The following TEAD3 variants were observed in gnomAD, a reference collection of about 807,000 sequenced individuals.
The protein encoded by TEAD3 is TEA domain transcription factor 3.
TEAD3 carries 15 observed loss-of-function variants against 55.6 expected under a neutral mutation model. The observed-to-expected ratio is 0.27, with a 90% CI of 0.18 to 0.42. The LOEUF (loss-of-function observed/expected upper bound fraction) is 0.42. TEAD3 is among the 10% of genes least tolerant of loss of function. The pLI is 1.00. For missense variants in TEAD3, 407 were observed against 576.8 expected (o/e 0.71, Z 3.01); for synonymous variants, 210 against 232.2 (o/e 0.90, Z 0.87).
Position 35,475,238 on chromosome 6 carries a change from T to C in TEAD3, c.1195-81A>G. The C allele has an allele frequency of 6.3e-7, 1 of 1,592,902 alleles. No homozygotes were observed. On this transcript the variant is annotated intron_variant, in intron 12 of 12. Transcript: ENST00000639578. This position sits in a 1 kb window ranked among gnomAD's most constrained non-coding sequence, Gnocchi z 5.4. ...CAGGGGGCTGAACAGACCATTCTCC[T>C]TTCCGGATCTATGCCTCTCAGCCAA...
chr6:35,492,354 G>A (rs1768542586), intron 1 of TEAD3, among the ~76,000 whole-genome samples: 1 of 152,028 alleles, frequency 6.6e-6, no homozygotes, highest in South Asian at 2.1e-4. Context: ...CCCCACAGCG[G>A]GCCAGCTGTT....
intron 1 of TEAD3, among the ~76,000 whole-genome samples, chr6:35,494,350 C>T (rs1768595059): frequency 6.6e-6 from 1 of 152,226 alleles, no homozygotes; most frequent in Non-Finnish European, 1.5e-5. Flanking sequence ...CTAACCTCAA[C>T]CTCCTGTGGG....
At position 35,486,808 on chromosome 6, in the gene TEAD3, C is replaced by G. The variant is rs1270575721; in HGVS notation, c.-49-97G>C. ...CTGGCTCTGGAGCTCCGCCCCCAGC[C>G]CCAAGCCCACCCTAGGAGCAGGTGC... On this transcript the variant is annotated intron_variant, in intron 1 of 12. Coordinates refer to ENST00000639578, the Ensembl canonical transcript of TEAD3. The surrounding 1 kb of genome is among the most constrained non-coding windows in gnomAD (Gnocchi z 7.3). 6.2e-6 allele frequency: 5 copies of G among 801,288 alleles called. No homozygotes were observed. 49.6% of individuals were successfully genotyped at this position (801,288 alleles called of 1,614,324 possible).
intron 8 of TEAD3, among the ~76,000 whole-genome samples, 176 bp from the exon 9 acceptor site, chr6:35,476,611 G>A (rs1008847080): frequency 1.3e-5 from 2 of 152,310 alleles, no homozygotes; most frequent in Non-Finnish European, 1.5e-5. Flanking sequence ...GGTGGCCCTA[G>A]TAGTATATAT....
rs895472205 is a variant in TEAD3, at chr6:35,485,918, A to T, written c.202+543T>A. Among the ~76,000 whole-genome samples, 7 of 152,240 alleles carry T rather than the reference A, an allele frequency of 4.6e-5. No individual in the cohort carries two copies. The highest frequency in any genetic ancestry group is 4.1e-4 in the South Asian group (2 of 4,828). On this transcript the variant is annotated intron_variant, in intron 2 of 12. Coordinates refer to ENST00000639578, the Ensembl canonical transcript of TEAD3. The surrounding 1 kb of genome is among the most constrained non-coding windows in gnomAD (Gnocchi z 4.3). ...CCCTCTCAGGGCTGGACAAGAGGGG[A>T]CACTCCCTTCTGGAAATGGGCAAGA...
At chr6:35,473,768 C>T (rs1017963578), downstream of TEAD3, 5 of 149,190 alleles carry the variant, frequency 3.4e-5, no homozygotes, top group Non-Finnish European at 7.4e-5. Context: ...CATTATAAAA[C>T]CTAGGTGGGG....
In TEAD3 at chr6:35,485,418, A is replaced by C. The variant is rs553351695; in HGVS notation, c.203-794T>G. On this transcript the variant is annotated intron_variant, in intron 2 of 12. Transcript: ENST00000639578. The surrounding 1 kb of genome is among the most constrained non-coding windows in gnomAD (Gnocchi z 4.3). Reference sequence around the variant, plus strand: ...GGCCTGAAAGGGGGATGCCTGGGCCACACGGCTGAGCCCAAGTCAGCATGG... The same window carrying C: ...GGCCTGAAAGGGGGATGCCTGGGCCCCACGGCTGAGCCCAAGTCAGCATGG... 6.6e-6 allele frequency among the ~76,000 whole-genome samples: 1 copy of C among 152,262 alleles called. No homozygotes were observed. The highest frequency in any genetic ancestry group is 1.9e-4 in the East Asian group (1 of 5,180).
rs141747281 is a variant in TEAD3, at chr6:35,482,703, A to G, written c.267+1857T>C. On this transcript the variant is annotated intron_variant, in intron 3 of 12. Coordinates refer to ENST00000639578, the Ensembl canonical transcript of TEAD3. ...GAGGCGGGAGGACTGCTTGAGGCCA[A>G]AAGTTCAAGAACAACATGGCCAACA... Among the ~76,000 whole-genome samples, 612 of 152,232 alleles carry G rather than the reference A, an allele frequency of 4.0e-3. 7 individuals are homozygous for G. Among genetic ancestry groups the G allele is most frequent in the African/African-American group, 0.014 (568 of 41,532 alleles).
rs1005096811 is a variant in TEAD3, at chr6:35,491,899, C to T, written c.-50+4999G>A. Among the ~76,000 whole-genome samples the T allele has an allele frequency of 1.1e-4, 16 of 152,178 alleles. No homozygotes were observed. Among genetic ancestry groups the T allele is most frequent in the Admixed American group, 3.9e-4 (6 of 15,282 alleles). On this transcript the variant is annotated intron_variant, in intron 1 of 12. Transcript: ENST00000639578. This position sits in a 1 kb window ranked among gnomAD's most constrained non-coding sequence, Gnocchi z 4.4. Reference sequence around the variant, plus strand: ...CCAGGGATCAGGCTGGAGCTGGGGCCGCTGCAGAGGCCCTGGTCCCCCACC... The same window carrying T: ...CCAGGGATCAGGCTGGAGCTGGGGCTGCTGCAGAGGCCCTGGTCCCCCACC...
Position 35,496,697 on chromosome 6 carries a change from A to C in TEAD3, c.-50+201T>G, listed in dbSNP as rs1379333865. 2.6e-5 allele frequency among the ~76,000 whole-genome samples: 4 copies of C among 151,556 alleles called. No individual in the cohort carries two copies. The East Asian group carries it at 7.9e-4, about 30-fold the overall frequency. ...TCGTCCCCGTCGCGGGGGGGTGGGGAGGGCGGGGGGCGGGGCTTCCCGGAG... is the reference window on the plus strand; with the variant it reads ...TCGTCCCCGTCGCGGGGGGGTGGGGCGGGCGGGGGGCGGGGCTTCCCGGAG... On this transcript the variant is annotated intron_variant, in intron 1 of 12. Transcript: ENST00000639578. This position sits in a 1 kb window ranked among gnomAD's most constrained non-coding sequence, Gnocchi z 4.8.
exon 8 of TEAD3, chr6:35,477,364 G>T: frequency 6.2e-7 from 1 of 1,602,076 alleles, no homozygotes. Flanking sequence ...CTGTGCAAAG[G>T]GCTTGATGCT....
At position 35,486,700 on chromosome 6, in the gene TEAD3, G is replaced by T; in HGVS notation, c.-38C>A. 6.3e-7 allele frequency: 1 copy of T among 1,599,188 alleles called. No homozygotes were observed. ...TCTGGGCTCTGGGCCTGAGCCCACT[G>T]GGCGGCTGAGCCTGGGGGACAGACA... On this transcript the variant is annotated 5_prime_UTR_variant, in exon 2 of 13. Transcript: ENST00000639578. The surrounding 1 kb of genome is among the most constrained non-coding windows in gnomAD (Gnocchi z 7.3).
chr6:35,481,789 C>T (rs1217558494), intron 3 of TEAD3, among the ~76,000 whole-genome samples: 3 of 152,190 alleles, frequency 2.0e-5, no homozygotes, highest in Admixed American at 6.5e-5. Context: ...CACCAAGCTC[C>T]GTTACCAGGA....
exon 10 of TEAD3, chr6:35,476,054 G>C (rs957631658): frequency 6.5e-7 from 1 of 1,543,428 alleles, no homozygotes; most frequent in Non-Finnish European, 8.7e-7. Context: ...AGAAGGCGGG[G>C]TTCGTCTGGC....
Position 35,486,863 on chromosome 6 carries a change from C to A in TEAD3, c.-49-152G>T, listed in dbSNP as rs1257025206. 6.6e-6 allele frequency among the ~76,000 whole-genome samples: 1 copy of A among 152,232 alleles called. No homozygotes were observed. The highest frequency in any genetic ancestry group is 1.5e-5 in the Non-Finnish European group (1 of 68,022). On this transcript the variant is annotated intron_variant, in intron 1 of 12. Transcript: ENST00000639578. The surrounding 1 kb of genome is among the most constrained non-coding windows in gnomAD (Gnocchi z 7.3). ...GGTGGAACGGAGGTAACCAGAGGAA[C>A]AACCACAGCTTGTTCAGAGCTGTGT...
chr6:35,477,181 C>T, intron 8 of TEAD3, 130 bp downstream of exon 8: 1 of 926,030 alleles, frequency 1.1e-6, no homozygotes, highest in Non-Finnish European at 1.7e-6. Flanking sequence ...GGGGCTATTC[C>T]TGGCCTGTCC....
At chr6:35,493,390 G>A (rs1411245844) in intron 1 of TEAD3, among the ~76,000 whole-genome samples, 1 of 152,068 alleles carries the variant, frequency 6.6e-6, no homozygotes, top group Non-Finnish European at 1.5e-5. Context: ...GCCTGGCACA[G>A]CCCTGGGGGT....
intron 3 of TEAD3, among the ~76,000 whole-genome samples, chr6:35,480,864 C>T (rs898382293): frequency 6.6e-6 from 1 of 152,168 alleles, no homozygotes; most frequent in African/African-American, 2.4e-5. Context: ...CACTGGTGTC[C>T]TCAGAGGAGA....
Position 35,488,653 on chromosome 6 carries a change from A to G in TEAD3, c.-49-1942T>C, listed in dbSNP as rs1477093657. On this transcript the variant is annotated intron_variant, in intron 1 of 12. Coordinates refer to ENST00000639578, the Ensembl canonical transcript of TEAD3. This position sits in a 1 kb window ranked among gnomAD's most constrained non-coding sequence, Gnocchi z 4.2. ...GCTTGAGGGGATCACTAGTAGAATG[A>G]GGTGGGGAGGGCCTGGGAGGTCTGA... Among the ~76,000 whole-genome samples the G allele has an allele frequency of 6.6e-6, 1 of 152,098 alleles. No homozygotes were observed. The highest frequency in any genetic ancestry group is 1.5e-5 in the Non-Finnish European group (1 of 68,010).
Sources: gnomAD v4.1 joint callset for allele counts (sites outside exome capture counted in the v4.1 genomes callset) on GRCh38, gnomAD v4.1.1 for gene constraint, Gnocchi (gnomAD v3.1) non-coding constraint, MANE v1.5 for transcripts, NCBI Gene and HGNC (gene_info 2026-07-23, HGNC 2026-07-21) for gene names.